The following ANKAR variants were observed in gnomAD, a reference collection of about 807,000 sequenced individuals.
ANKAR encodes ankyrin and armadillo repeat containing.
A neutral mutation model predicts 146.2 loss-of-function variants in ANKAR; 136 were observed. That is an observed-to-expected ratio of 0.93 (90% CI 0.81 to 1.07). The LOEUF (loss-of-function observed/expected upper bound fraction) is 1.07, where lower values mean the gene tolerates loss of function less well. ANKAR is among the 50% of genes least tolerant of loss of function. ANKAR has a pLI of 0.00. For synonymous variants in ANKAR, 500 were observed against 575.8 expected, an observed-to-expected ratio of 0.87 and a Z score of 1.88; for missense variants, 1,567 against 1,679.9, an observed-to-expected ratio of 0.93 and a Z score of 1.18.
At chr2:189,742,961 CACACACACACACACACA>C (rs1314303954) in intron 20 of ANKAR, among the ~76,000 whole-genome samples, 39 of 143,716 alleles carry the variant, frequency 2.7e-4, no homozygotes, top group South Asian at 9.0e-4. Flanking sequence ...CACACACACA[CACACACACACACACACA>C]CACCCCTGAA....
intron 18 of ANKAR, chr2:189,754,068 C>T (rs2045692382): frequency 6.2e-7 from 1 of 1,612,254 alleles, no homozygotes; most frequent in Non-Finnish European, 8.5e-7. Context: ...TCAATACCTG[C>T]AGAAATGAGC....
At chr2:189,725,935 T>A (rs545971252) in intron 12 of ANKAR, among the ~76,000 whole-genome samples, 8 of 151,756 alleles carry the variant, frequency 5.3e-5, no homozygotes, top group South Asian at 2.1e-4. Context: ...AAAAGAAAAG[T>A]AAAGGGTTGA....
At chr2:189,685,728 T>A (rs1225428596) in intron 2 of ANKAR, among the ~76,000 whole-genome samples, 2 of 152,158 alleles carry the variant, frequency 1.3e-5, no homozygotes, top group African/African-American at 4.8e-5. Context: ...TCCAGTATCC[T>A]GCTTGGAGGG....
intron 18 of ANKAR, among the ~76,000 whole-genome samples, chr2:189,756,271 G>A (rs2046071117): frequency 6.6e-6 from 1 of 152,112 alleles, no homozygotes. Context: ...CATGTAGGAT[G>A]GTGGATGGCC....
At chr2:189,693,930 G>T (rs558422428) in intron 5 of ANKAR, among the ~76,000 whole-genome samples, 3 of 152,126 alleles carry the variant, frequency 2.0e-5, no homozygotes, top group South Asian at 4.2e-4. Context: ...TGTATTTTTA[G>T]TAGAGAAGAG....
At chr2:189,736,746 G>A (rs1398982233) in intron 17 of ANKAR, among the ~76,000 whole-genome samples, 1 of 151,696 alleles carries the variant, frequency 6.6e-6, no homozygotes, top group African/African-American at 2.4e-5. Flanking sequence ...GTATGTACAT[G>A]CAGCATTTTA....
In ANKAR at chr2:189,695,101, T is replaced by G. The variant is rs2037001216; in HGVS notation, c.1428T>G (p.Asp476Glu). 1 of 1,612,480 alleles carries G rather than the reference T, an allele frequency of 6.2e-7. No individual in the cohort carries two copies. The highest frequency in any genetic ancestry group is 8.5e-7 in the Non-Finnish European group (1 of 1,179,448). ...NLRLKRLPLT[D>E]AQLHEQFKKK... ...GACTGAAAAGACTTCCACTGACAGA[T>G]GCTCAATTACATGAACAATTTAAGA... Residue 476 changes from aspartate (D) to glutamate (E), a missense_variant, in exon 6 of 23, where the codon GAT (aspartate) becomes GAG (glutamate). By Grantham distance (45) the Asp-to-Glu change is conservative. Transcript: ENST00000684021.
intron 12 of ANKAR, among the ~76,000 whole-genome samples, chr2:189,722,831 G>A (rs1006573916): frequency 8.0e-5 from 12 of 150,536 alleles, no homozygotes; most frequent in African/African-American, 2.9e-4. Flanking sequence ...GCAGTGAGCC[G>A]AGATCATGCC....
At chr2:189,742,320 A>G (rs1446399666) in intron 20 of ANKAR, among the ~76,000 whole-genome samples, 1 of 152,208 alleles carries the variant, frequency 6.6e-6, no homozygotes, top group African/African-American at 2.4e-5. Flanking sequence ...GGATGCCAAC[A>G]TAAAGACCAA....
At chr2:189,693,475 G>A (rs959764126) in intron 5 of ANKAR, among the ~76,000 whole-genome samples, 8 of 152,170 alleles carry the variant, frequency 5.3e-5, no homozygotes, top group Admixed American at 4.6e-4. Context: ...TGTCTTTTAT[G>A]TGTTGTGGTT....
chr2:189,747,516 C>T (rs1279954144), downstream of ANKAR, among the ~76,000 whole-genome samples: 1 of 152,016 alleles, frequency 6.6e-6, no homozygotes, highest in Non-Finnish European at 1.5e-5. Context: ...CAGTGTTGCT[C>T]ATTCTCCATA....
chr2:189,726,582 G>C (rs1398416268), intron 12 of ANKAR, among the ~76,000 whole-genome samples: 1 of 151,990 alleles, frequency 6.6e-6, no homozygotes, highest in East Asian at 1.9e-4. Flanking sequence ...TGTCATAAGA[G>C]ACCAAAAAAC....
At chr2:189,680,899 A>G (rs988020664) in intron 2 of ANKAR, among the ~76,000 whole-genome samples, 1 of 152,168 alleles carries the variant, frequency 6.6e-6, no homozygotes, top group African/African-American at 2.4e-5. Context: ...ATTTAAAGGT[A>G]ATTTATCTGG....
chr2:189,719,731 A>G lies in ANKAR; in HGVS notation c.2384A>G (p.Asp795Gly). ...IPSLINLLVC[D>G]EPEVHSRCAV... ...TCTCTAATCAACCTACTGGTTTGTG[A>G]TGAGCCTGAAGTACACTCTCGCTGT... is the stretch of plus-strand genomic sequence containing the variant. The change falls in exon 11 of 23, where the codon GAT becomes GGT. Residue 795 changes from aspartate (D) to glycine (G), a missense_variant. Coordinates refer to ENST00000684021, the MANE Select transcript of ANKAR (RefSeq NM_001378068.1). 2.5e-6 allele frequency: 4 copies of G among 1,614,068 alleles called. No individual in the cohort carries two copies. Among genetic ancestry groups the G allele is most frequent in the Non-Finnish European group, 3.4e-6 (4 of 1,179,914 alleles).
downstream of ANKAR, chr2:189,761,577 A>C: frequency 6.2e-7 from 1 of 1,610,806 alleles, no homozygotes; most frequent in Non-Finnish European, 8.5e-7. Flanking sequence ...CTTCTTAAAA[A>C]TTCATAAACT....
intron 6 of ANKAR, 76 bp from the exon 7 acceptor site, chr2:189,696,074 C>T: frequency 1.6e-6 from 2 of 1,279,736 alleles, no homozygotes; most frequent in Admixed American, 3.7e-5. Flanking sequence ...TCTGTTAATA[C>T]ACTTCATGTA....
chr2:189,753,131 ATTTGG>A, intron 18 of ANKAR: 2 of 573,362 alleles, frequency 3.5e-6, no homozygotes. Context: ...TGTAATAAAA[ATTTGG>A]AAAGAAAAAA....
chr2:189,704,882 C>G (rs1269436337), intron 7 of ANKAR, 141 bp from the exon 8 acceptor site: 3 of 676,236 alleles, frequency 4.4e-6, no homozygotes, highest in South Asian at 2.7e-5. Flanking sequence ...ATAGGGTTGT[C>G]TAAATTTTTT....
At chr2:189,675,639 C>T (rs2033485066) in intron 1 of ANKAR, among the ~76,000 whole-genome samples, 1 of 152,140 alleles carries the variant, frequency 6.6e-6, no homozygotes, top group South Asian at 2.1e-4. Flanking sequence ...TGAGCCACTG[C>T]GCCCCACCCT....
Sources: allele counts gnomAD v4.1 joint callset (sites outside exome capture counted in the v4.1 genomes callset), GRCh38; gene constraint gnomAD v4.1.1; transcripts MANE v1.5; gene names NCBI Gene and HGNC (gene_info 2026-07-23, HGNC 2026-07-21).